ATP5PD: variants seen among roughly 807,000 people sequenced by gnomAD.
ATP5PD encodes ATP synthase peripheral stalk subunit d, mitochondrial.
In ATP5PD, 13 loss-of-function variants were observed where a neutral mutation model predicts 22.6. That is an observed-to-expected ratio of 0.58 (90% CI 0.37 to 0.91). ATP5PD has a LOEUF of 0.91. ATP5PD is among the 40% of genes least tolerant of loss of function. ATP5PD has a pLI of 0.00. For missense variants in ATP5PD, 165 were observed against 188.0 expected, an observed-to-expected ratio of 0.88 and a Z score of 0.72; for synonymous variants, 51 against 65.0, an observed-to-expected ratio of 0.79 and a Z score of 1.03.
chr17:75,042,578 T>C lies in ATP5PD; in HGVS notation c.73A>G (p.Lys25Glu), dbSNP rs749305952. The C allele has an allele frequency of 6.0e-5, 96 of 1,612,922 alleles. No homozygotes were observed. Among genetic ancestry groups the C allele is most frequent in the Admixed American group, 3.3e-4 (20 of 59,974 alleles). ...AFAEIIPQNQ[K>E]AIASSLKSWN... ...GATTTCAGGGAACTAGCAATGGCCT[T>C]TTGGTTCTGGGGTATGATCTCTGCA... Residue 25 changes from lysine (K) to glutamate (E), a missense_variant, in exon 2 of 6, where the codon AAG (lysine) becomes GAG (glutamate). Transcript: ENST00000301587.
In ATP5PD at chr17:75,042,259, C is replaced by T; in HGVS notation, c.141G>A (p.Glu47=). The change falls in exon 3 of 6, where the codon GAG becomes GAA. Residue 47 remains glutamate (E), a synonymous_variant. Coordinates refer to ENST00000301587, the MANE Select transcript of ATP5PD (RefSeq NM_006356.3). ...AAGCCCAGTCGATAGCTGGTGGATTCTCAGGTAAAGCAGCCAACCTGCCCA... is the reference window on the plus strand; with the variant it reads ...AAGCCCAGTCGATAGCTGGTGGATTTTCAGGTAAAGCAGCCAACCTGCCCA... ...TLTSRLAALP[E]NPPAIDWAYY... is the part of the protein sequence containing the mutation. 1 of 1,614,124 alleles carries T rather than the reference C, an allele frequency of 6.2e-7. No homozygotes were observed. The highest frequency in any genetic ancestry group is 8.5e-7 in the Non-Finnish European group (1 of 1,179,996).
intron 1 of ATP5PD, among the ~76,000 whole-genome samples, 189 bp downstream of exon 1, chr17:75,046,736 G>A (rs565205644): frequency 1.3e-5 from 2 of 152,328 alleles, no homozygotes; most frequent in East Asian, 3.9e-4. Context: ...GACCCCGCGC[G>A]CCAAGGAGGG....
chr17:75,042,791 G>T, intron 1 of ATP5PD, 132 bp from the exon 2 acceptor site: 2 of 939,652 alleles, frequency 2.1e-6, no homozygotes, highest in Non-Finnish European at 3.1e-6. Context: ...GTCTTCACAA[G>T]AATCACTTGA....
intron 3 of ATP5PD, chr17:75,040,684 G>C (rs1051598199): frequency 6.5e-6 from 1 of 154,028 alleles, no homozygotes; most frequent in Non-Finnish European, 1.4e-5. Context: ...TCGGGAGTTC[G>C]AGACCAGCCT....
intron 1 of ATP5PD, among the ~76,000 whole-genome samples, chr17:75,045,540 TTC>T (rs2073205880): frequency 6.6e-6 from 1 of 152,246 alleles, no homozygotes; most frequent in Non-Finnish European, 1.5e-5. Context: ...TAGGTGCGCA[TTC>T]TCTTTCTCAG....
chr17:75,038,929 A>G lies in ATP5PD; in HGVS notation c.*3T>C. On this transcript the variant is annotated 3_prime_UTR_variant, in exon 6 of 6. Coordinates refer to ENST00000301587, the MANE Select transcript of ATP5PD (RefSeq NM_006356.3). The stretch of plus-strand genomic sequence containing the variant: ...GGGCCAGAGCTTCCTCCTGGACTCA[A>G]TTTTATAAATTCTCAATTGGTTGGT... 1.2e-6 allele frequency: 2 copies of G among 1,612,162 alleles called. No individual in the cohort carries two copies. The highest frequency in any genetic ancestry group is 1.7e-5 in the Admixed American group (1 of 59,588).
chr17:75,046,466 T>C (rs2144920112), intron 1 of ATP5PD, among the ~76,000 whole-genome samples: 1 of 152,302 alleles, frequency 6.6e-6, no homozygotes, highest in East Asian at 1.9e-4. Flanking sequence ...TCAATGAATC[T>C]TTCTTGAATG....
rs1383469758 is a variant in ATP5PD, at chr17:75,039,240, G to A, written c.323C>T (p.Ser108Leu). The A allele has an allele frequency of 1.2e-6, 2 of 1,614,014 alleles. No homozygotes were observed. Among genetic ancestry groups the A allele is most frequent in the Non-Finnish European group, 8.5e-7 (1 of 1,180,028 alleles). The change falls in exon 5 of 6, where the codon TCA becomes TTA. Residue 108 changes from serine (S) to leucine (L), a missense_variant. By Grantham distance (145) the Ser-to-Leu change is moderately radical. Transcript: ENST00000301587. ...CTCATATTCTACAATCCTGGCCTTT[G>A]AGAGAGACACCCACTCAGCACAAGA... ...VKSCAEWVSL[S>L]KARIVEYEKE... is the part of the protein sequence containing the mutation.
chr17:75,043,159 T>G lies in ATP5PD; in HGVS notation c.-9-500A>C, dbSNP rs139824435. ...TCACTTGAACCCAGGAGGCAGAGGT[T>G]GTAATGAGCTGAGATGGCATCAGTG... On this transcript the variant is annotated intron_variant, in intron 1 of 5. Coordinates refer to ENST00000301587, the MANE Select transcript of ATP5PD (RefSeq NM_006356.3). Among the ~76,000 whole-genome samples, 589 of 152,302 alleles carry G rather than the reference T, an allele frequency of 3.9e-3. 2 individuals carry two copies. Among genetic ancestry groups the G allele is most frequent in the Middle Eastern group, 6.8e-3 (2 of 294 alleles).
At chr17:75,040,615 G>A (rs117827586) in intron 3 of ATP5PD, 1,755 of 159,832 alleles carry the variant, frequency 0.011, 12 homozygotes, top group Non-Finnish European at 0.018. Context: ...GCCGGGTGCG[G>A]TGGCTCATGC....
Position 75,042,210 on chromosome 17 carries a change from C to G in ATP5PD, c.190G>C (p.Ala64Pro). ...TTCTCAAAGTCATCCACCAAGCCAG[C>G]CTTGGCCACATTGGCCTTGTAGTAA... ...WAYYKANVAK[A>P]GLVDDFEKKF... Residue 64 changes from alanine (A) to proline (P), a missense_variant, in exon 3 of 6, where the codon GCT becomes CCT. Physicochemically the swap from Ala to Pro is conservative, Grantham distance 27. Transcript: ENST00000301587. 6.2e-7 allele frequency: 1 copy of G among 1,614,180 alleles called. No individual in the cohort carries two copies. The highest frequency in any genetic ancestry group is 8.5e-7 in the Non-Finnish European group (1 of 1,180,002).
At chr17:75,042,059 C>A in intron 3 of ATP5PD, 122 bp downstream of exon 3, 2 of 812,136 alleles carry the variant, frequency 2.5e-6, no homozygotes, top group Non-Finnish European at 3.9e-6. Flanking sequence ...TTTGGCCATA[C>A]GCATCCTTCC....
At chr17:75,046,806 G>C (rs2073224491) in intron 1 of ATP5PD, 119 bp downstream of exon 1, 1 of 152,406 alleles carries the variant, frequency 6.6e-6, no homozygotes, top group Non-Finnish European at 1.5e-5. Context: ...CTGCCAGCGG[G>C]GCAAGCCGAG....
At chr17:75,039,548 GC>G in intron 4 of ATP5PD, 1 of 436,728 alleles carries the variant, frequency 2.3e-6, no homozygotes, top group Admixed American at 3.7e-5. Flanking sequence ...TTTTCACAGG[GC>G]TCAGCCACTG....
chr17:75,042,667 A>G lies in ATP5PD; in HGVS notation c.-9-8T>C, dbSNP rs2073172998. The G allele has an allele frequency of 6.3e-7, 1 of 1,587,086 alleles. No homozygotes were observed. The highest frequency in any genetic ancestry group is 1.4e-5 in the African/African-American group (1 of 72,932). ...CCCAGCCATTTTGGGATCCTGAAAAATAAGTCAAATAAAAACAAGGCTTTT... is the reference window on the plus strand; with the variant it reads ...CCCAGCCATTTTGGGATCCTGAAAAGTAAGTCAAATAAAAACAAGGCTTTT... On this transcript the variant is annotated splice_region_variant and splice_polypyrimidine_tract_variant and intron_variant, in intron 1 of 5. Transcript: ENST00000301587.
chr17:75,044,918 G>A (rs949180252), intron 1 of ATP5PD, among the ~76,000 whole-genome samples: 2 of 152,214 alleles, frequency 1.3e-5, no homozygotes, highest in Non-Finnish European at 2.9e-5. Flanking sequence ...CTGTTGTGGA[G>A]GGGAGGTGTT....
chr17:75,039,039 G>GAA lies in ATP5PD; in HGVS notation c.377_378dup (p.Pro127PhefsTer6). The GAA allele has an allele frequency of 6.2e-7, 1 of 1,613,992 alleles. No homozygotes were observed. The highest frequency in any genetic ancestry group is 8.5e-7 in the Non-Finnish European group (1 of 1,179,988). On this transcript the variant is annotated frameshift_variant, in exon 6 of 6. Transcript: ENST00000301587. LOFTEE classifies it high-confidence loss of function. The stretch of plus-strand genomic sequence containing the variant: ...TCCTCAATGGTCATCTGATCAAATG[G>GAA]AATTAAGTTCTTCATCTTCTCCATC...
At chr17:75,039,875 G>C in intron 4 of ATP5PD, 1 of 577,218 alleles carries the variant, frequency 1.7e-6, no homozygotes, top group Non-Finnish European at 3.0e-6. Context: ...GTCTTACAAA[G>C]ATGGAATCAT....
chr17:75,041,488 G>A (rs1345371212), intron 3 of ATP5PD: 2 of 151,508 alleles, frequency 1.3e-5, no homozygotes, highest in Non-Finnish European at 2.9e-5. Flanking sequence ...ATCAGGTGTG[G>A]TGGTGGCATG....
Sources: gnomAD v4.1 joint callset for allele counts (sites outside exome capture counted in the v4.1 genomes callset) on GRCh38, gnomAD v4.1.1 for gene constraint, MANE v1.5 for transcripts, NCBI Gene and HGNC (gene_info 2026-07-23, HGNC 2026-07-21) for gene names.